The following MTMR10 variants were observed in gnomAD, a reference collection of about 807,000 sequenced individuals.
MTMR10 encodes the protein myotubularin-related protein 10.
A neutral mutation model predicts 88.1 loss-of-function variants in MTMR10; 56 were observed. The ratio of observed to expected loss-of-function variants is 0.64; its 90% CI spans 0.51 to 0.79. The LOEUF (loss-of-function observed/expected upper bound fraction) is 0.79, where lower values mean the gene tolerates loss of function less well. Among genes scored for constraint, MTMR10 ranks in the 30% least tolerant of loss-of-function variants. MTMR10 has a pLI of 0.00. For synonymous variants in MTMR10, 380 were observed against 340.9 expected (o/e 1.11, Z -1.26); for missense variants, 883 against 924.7 (o/e 0.95, Z 0.58).
chr15:30,980,945 A>G (rs183380469), intron 2 of MTMR10, among the ~76,000 whole-genome samples: 2 of 152,358 alleles, frequency 1.3e-5, no homozygotes, highest in East Asian at 3.9e-4. Context: ...GGCGGAGAAG[A>G]GACAAATCTT....
At chr15:30,929,225 C>G in the MTMR10 span, 1 of 1,612,706 alleles carries the variant, frequency 6.2e-7, no homozygotes, top group South Asian at 1.1e-5. Context: ...GACTTGTGCA[C>G]AGACAGCTTC....
At chr15:30,978,295 G>C (rs2030307064) in intron 2 of MTMR10, among the ~76,000 whole-genome samples, 1 of 152,132 alleles carries the variant, frequency 6.6e-6, no homozygotes, top group Admixed American at 6.5e-5. Context: ...GCTCCATGAG[G>C]GTAGAAGATG....
intron 12 of MTMR10, 26 bp from the exon 13 acceptor site, chr15:30,948,497 A>G: frequency 6.4e-7 from 1 of 1,568,724 alleles, no homozygotes; most frequent in Non-Finnish European, 8.7e-7. Context: ...AAAGAAAATG[A>G]TTACAACATA....
chr15:30,977,520 A>G (rs1369483006), intron 2 of MTMR10, among the ~76,000 whole-genome samples: 1 of 152,228 alleles, frequency 6.6e-6, no homozygotes, highest in Non-Finnish European at 1.5e-5. Flanking sequence ...GATTAAAAGA[A>G]ATAAATATAA....
At chr15:30,973,720 A>C (rs1478140218) in intron 5 of MTMR10, among the ~76,000 whole-genome samples, 3 of 152,148 alleles carry the variant, frequency 2.0e-5, no homozygotes, top group Non-Finnish European at 4.4e-5. Context: ...GGCAAAGCAA[A>C]ACATGGAAAA....
At chr15:30,990,725 T>C (rs1393955272) in intron 2 of MTMR10, 52 bp downstream of exon 2, 1 of 1,511,438 alleles carries the variant, frequency 6.6e-7, no homozygotes, top group South Asian at 1.2e-5. Flanking sequence ...AGAATAATCT[T>C]AAACCAAAAT....
rs533154364 is a variant in MTMR10, at chr15:30,939,551, TTTGA to T, written c.*1915_*1918del. ...CCAGCAAAAATAAAAGTATTTTACA[TTTGA>T]TTATCATACAAAAATATGCATTTTT... On this transcript the variant is annotated 3_prime_UTR_variant, in exon 16 of 16. Transcript: ENST00000435680. 2.5e-3 allele frequency: 2,456 copies of T among 968,932 alleles called. 11 individuals carry two copies. Among genetic ancestry groups the T allele is most frequent in the Non-Finnish European group, 2.5e-3 (2,027 of 815,004 alleles). 60.0% of individuals were successfully genotyped at this position (968,932 alleles called of 1,614,324 possible).
Position 30,960,912 on chromosome 15 carries a change from A to T in MTMR10, c.727T>A (p.Ser243Thr). 1 of 1,612,612 alleles carries T rather than the reference A, an allele frequency of 6.2e-7. No homozygotes were observed. The highest frequency in any genetic ancestry group is 8.5e-7 in the Non-Finnish European group (1 of 1,178,970). ...GATATCATGTAACCCTCGTTAATAG[A>T]ACAAACTCTCCACCCGGAAGCACCT... ...RTGASGWRVC[S>T]INEGYMISTC... The change falls in exon 7 of 16, where the codon TCT (serine) becomes ACT (threonine). Residue 243 changes from serine to threonine, a missense_variant. Ser to Thr is a moderately conservative substitution (Grantham distance 58). Coordinates refer to ENST00000435680, the MANE Select transcript of MTMR10 (RefSeq NM_017762.3).
At chr15:30,945,331 A>G (rs780473128) in intron 14 of MTMR10, among the ~76,000 whole-genome samples, 8 of 152,186 alleles carry the variant, frequency 5.3e-5, no homozygotes, top group Non-Finnish European at 1.2e-4. Context: ...AAAGCAGAGG[A>G]AATACTTGTA....
chr15:30,971,482 A>C (rs780954006), intron 5 of MTMR10, among the ~76,000 whole-genome samples: 9 of 152,174 alleles, frequency 5.9e-5, no homozygotes, highest in African/African-American at 9.7e-5. Context: ...AGCCACCAAA[A>C]AACAGTACCA....
At chr15:30,970,987 G>C (rs2063531615) in intron 5 of MTMR10, among the ~76,000 whole-genome samples, 1 of 152,102 alleles carries the variant, frequency 6.6e-6, no homozygotes, top group South Asian at 2.1e-4. Flanking sequence ...ACCTAAGTAA[G>C]AGGCCTCTTT....
intron 9 of MTMR10, among the ~76,000 whole-genome samples, chr15:30,955,476 TG>T: frequency 6.6e-6 from 1 of 152,306 alleles, no homozygotes; most frequent in South Asian, 2.1e-4. Flanking sequence ...TTCACCATGT[TG>T]GCCAGGCTGG....
rs552719716 is a variant in MTMR10, at chr15:30,940,180, A to C, written c.*1290T>G. On this transcript the variant is annotated 3_prime_UTR_variant, in exon 16 of 16. Coordinates refer to ENST00000435680, the MANE Select transcript of MTMR10 (RefSeq NM_017762.3). The stretch of plus-strand genomic sequence containing the variant: ...TCCATGTTTTAAGCGGGGAATGAGG[A>C]GTGTGGGGGAGGTGGTGCCCCGTTT... The C allele has an allele frequency of 5.6e-5, 55 of 985,288 alleles. No individual in the cohort carries two copies. Among genetic ancestry groups the C allele is most frequent in the Non-Finnish European group, 6.6e-5 (55 of 829,928 alleles). The allele number at this position is 985,288 out of a possible 1,614,324, so 61.0% of individuals were successfully genotyped here.
chr15:30,934,124 C>T (rs1167830985), downstream of MTMR10, among the ~76,000 whole-genome samples: 3 of 152,148 alleles, frequency 2.0e-5, no homozygotes, highest in Admixed American at 6.5e-5. Context: ...ACTTTTAGGA[C>T]TGTCATGTCC....
chr15:30,926,180 A>G, the MTMR10 span, among the ~76,000 whole-genome samples: 1 of 152,200 alleles, frequency 6.6e-6, no homozygotes, highest in African/African-American at 2.4e-5. Context: ...TATAAAAGTT[A>G]TGGAAGGTAC....
At chr15:30,966,675 CTTAATA>C (rs1391841772) in intron 6 of MTMR10, among the ~76,000 whole-genome samples, 2 of 152,038 alleles carry the variant, frequency 1.3e-5, no homozygotes, top group Non-Finnish European at 2.9e-5. Context: ...AGTGAATTTA[CTTAATA>C]TTAATAAACT....
At chr15:30,926,039 T>C in the MTMR10 span, 1 of 1,217,624 alleles carries the variant, frequency 8.2e-7, no homozygotes, top group South Asian at 1.4e-5. Flanking sequence ...CTCTCTGTCC[T>C]CTGCTCACAG....
rs2062995275 is a variant in MTMR10 at position 30,940,263 on chromosome 15, A to T, written c.*1207T>A. 1.0e-6 allele frequency: 1 copy of T among 974,838 alleles called. No individual in the cohort carries two copies. The highest frequency in any genetic ancestry group is 1.2e-6 in the Non-Finnish European group (1 of 824,136). 60.4% of individuals were successfully genotyped at this position (974,838 alleles called of 1,614,324 possible). ...ACAGTGGTAGGTAGGCTCTTGTCAC[A>T]CAGTTTGGAAATACTTTACTTTAGA... is the stretch of plus-strand genomic sequence containing the variant. On this transcript the variant is annotated 3_prime_UTR_variant, in exon 16 of 16. Transcript: ENST00000435680.
At chr15:30,984,766 G>A (rs2030831483) in intron 2 of MTMR10, among the ~76,000 whole-genome samples, 1 of 152,188 alleles carries the variant, frequency 6.6e-6, no homozygotes, top group Non-Finnish European at 1.5e-5. Flanking sequence ...GAGCACTGTA[G>A]ATGCGAACAG....
Sources: allele counts gnomAD v4.1 joint callset (sites outside exome capture counted in the v4.1 genomes callset), GRCh38; gene constraint gnomAD v4.1.1; transcripts MANE v1.5; gene names NCBI Gene and HGNC (gene_info 2026-07-23, HGNC 2026-07-21).